Variants in TRRAP observed in about 807,000 individuals in gnomAD.
TRRAP encodes transformation/transcription domain associated protein, also known as transformation/transcription domain-associated protein.
Under a neutral mutation model 438.8 loss-of-function variants are expected in TRRAP, and 41 were observed. The observed-to-expected ratio is 0.09, with a 90% CI of 0.07 to 0.12. The LOEUF (loss-of-function observed/expected upper bound fraction) is 0.12, where lower values mean the gene tolerates loss of function less well. Ranked by LOEUF, TRRAP falls within the 10% of genes least tolerant of loss-of-function variation. TRRAP has a pLI of 1.00. For missense variants in TRRAP, 3,122 were observed against 5,055.1 expected, an observed-to-expected ratio of 0.62 and a Z score of 11.60; for synonymous variants, 1,994 against 1,962.9, an observed-to-expected ratio of 1.02 and a Z score of -0.42.
Position 98,921,741 on chromosome 7 carries a change from G to C in TRRAP, c.2623-12G>C. The C allele has an allele frequency of 6.2e-7, 1 of 1,613,798 alleles. No individual in the cohort carries two copies. Among genetic ancestry groups the C allele is most frequent in the Admixed American group, 1.7e-5 (1 of 60,016 alleles). ...CTTAAGAGGACCTTAATGAAAGCAC[G>C]CTGATTTTCAGGCTCTGTGGCGCAC... is the stretch of plus-strand genomic sequence containing the variant. On this transcript the variant is annotated splice_polypyrimidine_tract_variant and intron_variant, in intron 20 of 72. Coordinates refer to ENST00000456197, the MANE Select transcript of TRRAP (RefSeq NM_001375524.1).
At position 98,910,525 on chromosome 7, in the gene TRRAP, C is replaced by T; in HGVS notation, c.1730C>T (p.Pro577Leu). Residue 577 changes from proline (P) to leucine (L), a missense_variant, in exon 16 of 73, where the codon CCC (proline) becomes CTC (leucine). Physicochemically the swap from Pro to Leu is moderately conservative, Grantham distance 98. This residue lies in a region of TRRAP where 149 missense variants were observed against 302.8 expected (regional missense o/e 0.49). Coordinates refer to ENST00000456197, the MANE Select transcript of TRRAP (RefSeq NM_001375524.1). Reference protein sequence around the residue: ...CKAPGEAQFIPNKQLQPKETQ... With the variant: ...CKAPGEAQFILNKQLQPKETQ... The stretch of plus-strand genomic sequence containing the variant: ...TCTTTTCCAGAAGCTCAGTTCATTC[C>T]CAACAAGCAGTTACAACCCAAAGAG... 6.2e-7 allele frequency: 1 copy of T among 1,613,932 alleles called. No individual in the cohort carries two copies. Among genetic ancestry groups the T allele is most frequent in the Non-Finnish European group, 8.5e-7 (1 of 1,179,996 alleles).
At position 98,895,770 on chromosome 7, in the gene TRRAP, C is replaced by G; in HGVS notation, c.457C>G (p.His153Asp). 1 of 1,603,478 alleles carries G rather than the reference C, an allele frequency of 6.2e-7. No homozygotes were observed. ...FRPPITQEIHHFLDFVKQIYK... is the reference protein window; with the variant it reads ...FRPPITQEIHDFLDFVKQIYK... ...AAGTGTCTGCTTTTTTTAGATTCAT[C>G]ATTTTCTGGATTTTGTGAAACAGAT... Residue 153 changes from histidine to aspartate, a missense_variant, in exon 7 of 73, where the codon CAT becomes GAT. Physicochemically the swap from His to Asp is moderately conservative, Grantham distance 81. Transcript: ENST00000456197.
chr7:98,945,118 T>TG (rs1446867118), intron 31 of TRRAP, among the ~76,000 whole-genome samples: 2 of 152,202 alleles, frequency 1.3e-5, no homozygotes, highest in Non-Finnish European at 2.9e-5. Flanking sequence ...CCTGAAGCTT[T>TG]GGATACCCCT....
intron 38 of TRRAP, 29 bp downstream of exon 38, chr7:98,950,291 G>A: frequency 1.2e-6 from 2 of 1,611,254 alleles, no homozygotes; most frequent in Non-Finnish European, 8.5e-7. Context: ...CTGTAGAAGG[G>A]TATGGGTATT....
At chr7:98,966,578 A>C (rs964276694) in intron 49 of TRRAP, among the ~76,000 whole-genome samples, 1 of 152,086 alleles carries the variant, frequency 6.6e-6, no homozygotes, top group African/African-American at 2.4e-5. Flanking sequence ...CCGGCTGCTC[A>C]GGATGCTGAG....
intron 8 of TRRAP, among the ~76,000 whole-genome samples, chr7:98,898,447 A>G (rs1218932743): frequency 3.3e-5 from 5 of 152,174 alleles, no homozygotes; most frequent in Admixed American, 6.5e-5. Flanking sequence ...TACTATGACA[A>G]TTTTTGTGAT....
chr7:98,979,096 T>C (rs1792794307), intron 58 of TRRAP, among the ~76,000 whole-genome samples, 192 bp downstream of exon 58: 1 of 152,160 alleles, frequency 6.6e-6, no homozygotes, highest in Non-Finnish European at 1.5e-5. Context: ...AAATGAGAAA[T>C]TGAAGATTAG....
chr7:98,887,223 C>A (rs1795753339), intron 3 of TRRAP, among the ~76,000 whole-genome samples: 2 of 152,104 alleles, frequency 1.3e-5, no homozygotes, highest in South Asian at 2.1e-4. Context: ...TGTGCCCAGC[C>A]CTACTAGAGA....
In TRRAP at chr7:98,949,451, G is replaced by A. The variant is rs782247298; in HGVS notation, c.4823G>A (p.Arg1608Gln). The change falls in exon 36 of 73, where the codon CGG (arginine) becomes CAG (glutamine). Residue 1608 changes from arginine (R) to glutamine (Q), a missense_variant. Around this residue, in one of 24 missense-constraint regions of TRRAP, gnomAD observed 272 missense variants for 348.5 expected, o/e 0.78. Transcript: ENST00000456197. ...AAACACAAAGACGCCAGACCTCTGC[G>A]GGATGTGCTGGCTGCCAACCCCAAC... is the stretch of plus-strand genomic sequence containing the variant. Reference protein sequence around the residue: ...FLKHKDARPLRDVLAANPNRF... With the variant: ...FLKHKDARPLQDVLAANPNRF... 2.5e-6 allele frequency: 4 copies of A among 1,600,460 alleles called. No individual in the cohort carries two copies. Among genetic ancestry groups the A allele is most frequent in the East Asian group, 2.2e-5 (1 of 44,644 alleles).
intron 62 of TRRAP, among the ~76,000 whole-genome samples, chr7:98,988,539 A>G (rs911375675): frequency 5.9e-5 from 9 of 152,232 alleles, no homozygotes; most frequent in African/African-American, 2.2e-4. Context: ...TTCAATTTAT[A>G]TGAAATGTAC....
chr7:98,961,556 G>A, intron 46 of TRRAP, 82 bp downstream of exon 46: 1 of 1,511,372 alleles, frequency 6.6e-7, no homozygotes. Flanking sequence ...TTGTCCTCCA[G>A]TTATTGTGTC....
intron 3 of TRRAP, among the ~76,000 whole-genome samples, chr7:98,889,136 G>C (rs1400885399): frequency 6.8e-6 from 1 of 146,734 alleles, no homozygotes; most frequent in Non-Finnish European, 1.5e-5. Flanking sequence ...TCCCACTTCA[G>C]CCTCCTGAGT....
chr7:98,906,685 A>G (rs935692440), intron 13 of TRRAP, among the ~76,000 whole-genome samples: 1 of 151,984 alleles, frequency 6.6e-6, no homozygotes, highest in Non-Finnish European at 1.5e-5. Flanking sequence ...TGCCTGCCTC[A>G]GCCTCCCACA....
At position 99,011,565 on chromosome 7, in the gene TRRAP, G is replaced by A. The variant is rs369083125; in HGVS notation, c.11337+30G>A. 8.1e-6 allele frequency: 13 copies of A among 1,596,596 alleles called. No individual in the cohort carries two copies. The highest frequency in any genetic ancestry group is 7.0e-5 in the Admixed American group (4 of 57,366). On this transcript the variant is annotated intron_variant, in intron 72 of 72. Coordinates refer to ENST00000456197, the MANE Select transcript of TRRAP (RefSeq NM_001375524.1). The surrounding 1 kb of genome is among the most constrained non-coding windows in gnomAD (Gnocchi z 7.1). Reference sequence around the variant, plus strand: ...GTCTCCACGTCGTCCTATCACAGGCGCAGGCTAGAGCCACTCAGATGCCCG... The same window carrying A: ...GTCTCCACGTCGTCCTATCACAGGCACAGGCTAGAGCCACTCAGATGCCCG...
chr7:98,935,367 C>T (rs1790513687), intron 27 of TRRAP, among the ~76,000 whole-genome samples: 3 of 152,060 alleles, frequency 2.0e-5, no homozygotes, highest in Admixed American at 6.5e-5. Context: ...GAGAAAGTGT[C>T]TAAGAATTCT....
intron 67 of TRRAP, among the ~76,000 whole-genome samples, chr7:99,003,031 G>A (rs1370323480): frequency 2.0e-5 from 3 of 152,158 alleles, no homozygotes; most frequent in East Asian, 1.9e-4. Flanking sequence ...CATGTCTCCC[G>A]CCACGACTCA....
At position 99,004,271 on chromosome 7, in the gene TRRAP, C is replaced by G; in HGVS notation, c.10391C>G (p.Ala3464Gly). 6.2e-7 allele frequency: 1 copy of G among 1,614,196 alleles called. No individual in the cohort carries two copies. Among genetic ancestry groups the G allele is most frequent in the Non-Finnish European group, 8.5e-7 (1 of 1,180,038 alleles). ...KLKKWIKILE[A>G]KTKQLPKFFL... ...AAAAAGTGGATCAAAATCTTGGAGGCCAAGACCAAGCAACTCCCCAAATTC... is the reference window on the plus strand; with the variant it reads ...AAAAAGTGGATCAAAATCTTGGAGGGCAAGACCAAGCAACTCCCCAAATTC... Residue 3464 changes from alanine to glycine, a missense_variant, in exon 68 of 73, where the codon GCC becomes GGC. By Grantham distance (60) the Ala-to-Gly change is moderately conservative (BLOSUM62 0). Coordinates refer to ENST00000456197, the MANE Select transcript of TRRAP (RefSeq NM_001375524.1).
chr7:98,997,053 C>T (rs1318520947), intron 67 of TRRAP, among the ~76,000 whole-genome samples: 1 of 151,974 alleles, frequency 6.6e-6, no homozygotes, highest in East Asian at 1.9e-4. Context: ...CGTCTGTAAT[C>T]CCAGCACTTT....
intron 31 of TRRAP, among the ~76,000 whole-genome samples, chr7:98,944,661 C>A (rs1790960987): frequency 6.6e-6 from 1 of 152,206 alleles, no homozygotes; most frequent in Non-Finnish European, 1.5e-5. Context: ...GGCCACTGTT[C>A]AGCTCTTGAA....
Sources: gnomAD v4.1 joint callset for allele counts (sites outside exome capture counted in the v4.1 genomes callset) on GRCh38, gnomAD v4.1.1 for gene constraint, gnomAD v4.1.1 regional missense constraint, Gnocchi (gnomAD v3.1) non-coding constraint, MANE v1.5 for transcripts, NCBI Gene and HGNC (gene_info 2026-07-23, HGNC 2026-07-21) for gene names.